FHIT: variants seen among roughly 807,000 people sequenced by gnomAD.
FHIT encodes the protein fragile histidine triad diadenosine triphosphatase.
A neutral mutation model predicts 17.9 loss-of-function variants in FHIT; 19 were observed. The ratio of observed to expected loss-of-function variants is 1.06; its 90% confidence interval spans 0.74 to 1.56. FHIT has a LOEUF of 1.56. FHIT is among the 40% of genes most tolerant of loss of function. FHIT has a pLI of 0.00. For synonymous variants in FHIT, 81 were observed against 69.7 expected, an observed-to-expected ratio of 1.16 and a Z score of -0.81; for missense variants, 248 against 189.2, an observed-to-expected ratio of 1.31 and a Z score of -1.82.
rs985874925 is a variant in FHIT at position 60,048,572 on chromosome 3, C to T, written c.104-34420G>A. Reference sequence around the variant, plus strand: ...GTGTGAATTTTTGGGGAAACCACAACGCACCCCATAACAGCAGGTGTGTTA... The same window carrying T: ...GTGTGAATTTTTGGGGAAACCACAATGCACCCCATAACAGCAGGTGTGTTA... On this transcript the variant is annotated intron_variant, in intron 5 of 9. Transcript: ENST00000492590. 7.2e-5 allele frequency among the ~76,000 whole-genome samples: 11 copies of T among 152,296 alleles called. No homozygotes were observed. In the East Asian group the frequency reaches 9.6e-4, roughly 13 times the overall value.
At chr3:60,480,872 G>A (rs1164145509) in intron 5 of FHIT, among the ~76,000 whole-genome samples, 2 of 152,198 alleles carry the variant, frequency 1.3e-5, no homozygotes, top group African/African-American at 4.8e-5. Flanking sequence ...GCTGTTGGTG[G>A]ATCTACCATT....
rs892956862 is a variant in FHIT at position 60,344,731 on chromosome 3, AT to A, written c.103+192128del. On this transcript the variant is annotated intron_variant, in intron 5 of 9. Coordinates refer to ENST00000492590, the MANE Select transcript of FHIT (RefSeq NM_002012.4). ...GCTAGATTTATAAGTATCTTTCAAG[AT>A]TTTTTTTTCTAATTGAAAAATAAGC... Among the ~76,000 whole-genome samples the A allele has an allele frequency of 4.9e-4, 75 of 151,934 alleles. 1 individual carries two copies. Among genetic ancestry groups the A allele is most frequent in the African/African-American group, 1.7e-3 (72 of 41,464 alleles).
chr3:60,195,032 G>A (rs564733460), intron 5 of FHIT, among the ~76,000 whole-genome samples: 16 of 152,178 alleles, frequency 1.1e-4, no homozygotes, highest in South Asian at 6.2e-4. Flanking sequence ...CAGGCATAGC[G>A]GCAGGGAGCT....
intron 5 of FHIT, among the ~76,000 whole-genome samples, chr3:60,055,008 G>C (rs1345711429): frequency 6.6e-6 from 1 of 152,082 alleles, no homozygotes; most frequent in Non-Finnish European, 1.5e-5. Flanking sequence ...TGTCTAGAGA[G>C]GACAGTTGCC....
chr3:60,303,006 C>A (rs1043845757), intron 5 of FHIT, among the ~76,000 whole-genome samples: 4 of 152,096 alleles, frequency 2.6e-5, no homozygotes, highest in Non-Finnish European at 1.5e-5. Flanking sequence ...TTATGAAAAA[C>A]CTTTAATATT....
At chr3:60,034,990 A>G (rs771507407) in intron 5 of FHIT, among the ~76,000 whole-genome samples, 1 of 152,174 alleles carries the variant, frequency 6.6e-6, no homozygotes, top group African/African-American at 2.4e-5. Context: ...ATTTTTCCCA[A>G]TGCCTCTTTA....
intron 8 of FHIT, among the ~76,000 whole-genome samples, chr3:59,885,441 CTT>C (rs60795525): frequency 5.4e-4 from 74 of 135,814 alleles, no homozygotes; most frequent in Admixed American, 7.4e-4. Context: ...CTACCTGATG[CTT>C]TTTTTTTTTT....
At chr3:60,924,808 G>GA (rs1252072535) in intron 3 of FHIT, among the ~76,000 whole-genome samples, 5 of 150,958 alleles carry the variant, frequency 3.3e-5, no homozygotes, top group South Asian at 2.1e-4. Flanking sequence ...AAAAAACCTT[G>GA]AAAAAAAAAT....
In FHIT at chr3:60,073,503, T is replaced by C. The variant is rs77945535; in HGVS notation, c.104-59351A>G. Among the ~76,000 whole-genome samples the C allele has an allele frequency of 4.5e-3, 692 of 152,194 alleles. 7 individuals carry two copies. Among genetic ancestry groups the C allele is most frequent in the African/African-American group, 0.016 (653 of 41,526 alleles). On this transcript the variant is annotated intron_variant, in intron 5 of 9. Transcript: ENST00000492590. ...AGTACATGCTTATGTTCGTCTCACG[T>C]TTGCTCTCTCTCATTTCAAAACCCT...
rs192781604 is a variant in FHIT, at chr3:60,818,622, T to C, written c.-18+3297A>G. On this transcript the variant is annotated intron_variant, in intron 4 of 9. Transcript: ENST00000492590. The stretch of plus-strand genomic sequence containing the variant: ...TATAATGATTTACTATCATGAAATG[T>C]TCTCCTTCATCTCTGGTAACTCTTT... Among the ~76,000 whole-genome samples the C allele has an allele frequency of 2.1e-4, 32 of 152,326 alleles. No homozygotes were observed. The East Asian group carries it at 5.8e-3, about 28-fold the overall frequency.
In FHIT at chr3:60,787,925, T is replaced by C. The variant is rs556649798; in HGVS notation, c.-18+33994A>G. On this transcript the variant is annotated intron_variant, in intron 4 of 9. Coordinates refer to ENST00000492590, the MANE Select transcript of FHIT (RefSeq NM_002012.4). ...CATAATGGCCCCAAAAGAACAGTGC[T>C]GAAGTGCTGTCTCTTGTTCCTGAGT... 1.6e-4 allele frequency among the ~76,000 whole-genome samples: 25 copies of C among 152,304 alleles called. No homozygotes were observed. The South Asian group carries it at 5.2e-3, about 32-fold the overall frequency.
In FHIT at chr3:61,007,990, G is replaced by T. The variant is rs4129351; in HGVS notation, c.-111+34057C>A. Among the ~76,000 whole-genome samples the T allele has an allele frequency of 4.5e-3, 690 of 152,248 alleles. 8 individuals are homozygous for T. Among genetic ancestry groups the T allele is most frequent in the African/African-American group, 0.016 (651 of 41,540 alleles). On this transcript the variant is annotated intron_variant, in intron 3 of 9. Transcript: ENST00000492590. ...GTTTCATGCTCCCAAGACTCCCCAT[G>T]TGATCAGGTTAATTTCACCTGAAAC...
intron 4 of FHIT, among the ~76,000 whole-genome samples, chr3:60,820,465 A>T (rs2106762990): frequency 6.6e-6 from 1 of 152,332 alleles, no homozygotes; most frequent in East Asian, 1.9e-4. Context: ...TTCCAGGTAA[A>T]CCATCTAAAC....
At chr3:60,643,996 T>C (rs1179387781) in intron 4 of FHIT, among the ~76,000 whole-genome samples, 1 of 152,196 alleles carries the variant, frequency 6.6e-6, no homozygotes, top group Non-Finnish European at 1.5e-5. Context: ...AATGCCACTG[T>C]GAAATTTACA....
At chr3:60,510,790 T>A (rs1334771031) in intron 5 of FHIT, among the ~76,000 whole-genome samples, 1 of 152,100 alleles carries the variant, frequency 6.6e-6, no homozygotes, top group African/African-American at 2.4e-5. Flanking sequence ...AAATTTAAGG[T>A]TTTAGCACAA....
At chr3:60,767,583 T>G (rs1323035280) in intron 4 of FHIT, among the ~76,000 whole-genome samples, 1 of 152,224 alleles carries the variant, frequency 6.6e-6, no homozygotes, top group Admixed American at 6.5e-5. Flanking sequence ...GAGAATCTAC[T>G]GTTAACTGAT....
At chr3:60,294,820 G>A (rs1235961852) in intron 5 of FHIT, among the ~76,000 whole-genome samples, 4 of 152,158 alleles carry the variant, frequency 2.6e-5, no homozygotes, top group East Asian at 1.9e-4. Context: ...GGCTTTTTAC[G>A]CTCAGTGAAG....
chr3:60,832,374 G>A (rs1450748854), intron 3 of FHIT, among the ~76,000 whole-genome samples: 1 of 152,000 alleles, frequency 6.6e-6, no homozygotes, highest in Non-Finnish European at 1.5e-5. Context: ...TGACTCACTG[G>A]ACAACCCAAA....
chr3:60,446,709 C>G (rs889750774), intron 5 of FHIT, among the ~76,000 whole-genome samples: 3 of 151,842 alleles, frequency 2.0e-5, no homozygotes, highest in Non-Finnish European at 4.4e-5. Context: ...AAATATTAGC[C>G]AGGTATGCTC....
Sources: gnomAD v4.1 joint callset for allele counts (sites outside exome capture counted in the v4.1 genomes callset) on GRCh38, gnomAD v4.1.1 for gene constraint, MANE v1.5 for transcripts, NCBI Gene and HGNC (gene_info 2026-07-23, HGNC 2026-07-21) for gene names.